Variants in CEMIP2 observed in about 807,000 individuals in gnomAD.
CEMIP2 encodes cell surface hyaluronidase CEMIP2.
In CEMIP2, 79 loss-of-function variants were observed where a neutral mutation model predicts 146.9. The observed-to-expected ratio is 0.54, with a 90% CI of 0.45 to 0.65. CEMIP2 has a LOEUF of 0.65. Ranked by LOEUF, CEMIP2 falls within the 30% of genes least tolerant of loss-of-function variation. CEMIP2 has a pLI of 0.00. For missense variants in CEMIP2, 1,596 were observed against 1,696.2 expected, an observed-to-expected ratio of 0.94 and a Z score of 1.04; for synonymous variants, 601 against 606.3, an observed-to-expected ratio of 0.99 and a Z score of 0.13.
intron 1 of CEMIP2, among the ~76,000 whole-genome samples, chr9:71,751,554 A>G (rs1205404189): frequency 1.3e-5 from 2 of 152,120 alleles, no homozygotes; most frequent in East Asian, 1.9e-4. Flanking sequence ...ACTGTTCTCA[A>G]TTTTCACTGT....
rs751408781 is a variant in CEMIP2, at chr9:71,734,902, T to C, written c.1297A>G (p.Ile433Val). Residue 433 changes from isoleucine to valine, a missense_variant, in exon 6 of 24, where the codon ATT (isoleucine) becomes GTT (valine). Coordinates refer to ENST00000377044, the MANE Select transcript of CEMIP2 (RefSeq NM_013390.3). Reference sequence around the variant, plus strand: ...GAATAGTCTGTGCTTGCGACCACAATCTGGTCTCCAGGTTTCCAACTACTA... The same window carrying C: ...GAATAGTCTGTGCTTGCGACCACAACCTGGTCTCCAGGTTTCCAACTACTA... ...DVSSWKPGDQ[I>V]VVASTDYSMY... is the part of the protein sequence containing the mutation. 1.5e-5 allele frequency: 25 copies of C among 1,613,898 alleles called. No individual in the cohort carries two copies. Among genetic ancestry groups the C allele is most frequent in the Non-Finnish European group, 2.1e-5 (25 of 1,180,014 alleles).
intron 1 of CEMIP2, among the ~76,000 whole-genome samples, chr9:71,756,795 G>C (rs1235819309): frequency 1.3e-5 from 2 of 152,122 alleles, no homozygotes; most frequent in African/African-American, 4.8e-5. Flanking sequence ...ATAAAGAGCA[G>C]CAAACTACCT....
chr9:71,706,666 C>T (rs1564001472), intron 17 of CEMIP2, among the ~76,000 whole-genome samples: 1 of 152,120 alleles, frequency 6.6e-6, no homozygotes. Context: ...TTTATAGAAA[C>T]ATTTATGATC....
intron 22 of CEMIP2, among the ~76,000 whole-genome samples, chr9:71,688,944 A>G (rs1014386518): frequency 6.6e-6 from 1 of 152,238 alleles, no homozygotes; most frequent in African/African-American, 2.4e-5. Flanking sequence ...ACCTATCTGC[A>G]TAACCAGAGG....
intron 10 of CEMIP2, among the ~76,000 whole-genome samples, chr9:71,729,015 G>C (rs1470459184): frequency 2.0e-5 from 3 of 151,430 alleles, no homozygotes; most frequent in Non-Finnish European, 2.9e-5. Flanking sequence ...GAGGGTGTAG[G>C]GGGAGGTGAT....
intron 15 of CEMIP2, among the ~76,000 whole-genome samples, chr9:71,712,664 A>G (rs1822941875): frequency 6.6e-6 from 1 of 152,168 alleles, no homozygotes; most frequent in South Asian, 2.1e-4. Flanking sequence ...AACAAAAGAC[A>G]AGTCTGCGCT....
chr9:71,739,217 G>C (rs1823845295), intron 5 of CEMIP2, among the ~76,000 whole-genome samples: 1 of 151,622 alleles, frequency 6.6e-6, no homozygotes, highest in South Asian at 2.1e-4. Context: ...ACGTTGACTA[G>C]AAGTCTGTCA....
chr9:71,747,205 G>A (rs1012168847), intron 2 of CEMIP2, among the ~76,000 whole-genome samples: 2 of 152,048 alleles, frequency 1.3e-5, no homozygotes, highest in Admixed American at 6.6e-5. Context: ...TCAACCTATG[G>A]CCAAGTATTT....
intron 1 of CEMIP2, among the ~76,000 whole-genome samples, chr9:71,762,957 T>C (rs150784174): frequency 4.5e-4 from 69 of 152,052 alleles, no homozygotes; most frequent in African/African-American, 1.6e-3. Flanking sequence ...GAGGCTGCAG[T>C]GAGCTGTGAT....
chr9:71,725,482 T>G (rs1823355594), intron 11 of CEMIP2, 99 bp downstream of exon 11: 1 of 1,298,988 alleles, frequency 7.7e-7, no homozygotes, highest in African/African-American at 1.5e-5. Flanking sequence ...TCTGTGATAT[T>G]CTACTACAGC....
At chr9:71,732,321 T>G in intron 7 of CEMIP2, 30 bp downstream of exon 7, 1 of 1,521,492 alleles carries the variant, frequency 6.6e-7, no homozygotes, top group South Asian at 1.3e-5. Flanking sequence ...AACCAGGATT[T>G]CAAAGAAATA....
At position 71,684,913 on chromosome 9, in the gene CEMIP2, C is replaced by T. The variant is rs1563988750; in HGVS notation, c.*284G>A. Reference sequence around the variant, plus strand: ...CATTATACAAAAAGTAAAAACATTGCTCATGGTCATTACAAAATACGGGGG... The same window carrying T: ...CATTATACAAAAAGTAAAAACATTGTTCATGGTCATTACAAAATACGGGGG... On this transcript the variant is annotated 3_prime_UTR_variant, in exon 24 of 24. Coordinates refer to ENST00000377044, the MANE Select transcript of CEMIP2 (RefSeq NM_013390.3). The T allele has an allele frequency of 2.9e-6, 1 of 346,746 alleles. No individual in the cohort carries two copies. The highest frequency in any genetic ancestry group is 4.8e-5 in the East Asian group (1 of 20,732). 21.5% of individuals were successfully genotyped at this position (346,746 alleles called of 1,614,324 possible).
upstream of CEMIP2, chr9:71,768,959 A>G (rs1004901905): frequency 2.0e-5 from 3 of 152,078 alleles, no homozygotes; most frequent in African/African-American, 7.2e-5. Flanking sequence ...GGAGCCTGCC[A>G]TCAGAGGAGG....
intron 1 of CEMIP2, among the ~76,000 whole-genome samples, chr9:71,754,450 A>G (rs1419225979): frequency 6.6e-6 from 1 of 152,174 alleles, no homozygotes; most frequent in East Asian, 1.9e-4. Flanking sequence ...ACAGACCAGT[A>G]TTTCACTTTA....
intron 20 of CEMIP2, among the ~76,000 whole-genome samples, chr9:71,696,563 G>A (rs1822410148): frequency 1.3e-5 from 2 of 152,154 alleles, no homozygotes; most frequent in African/African-American, 4.8e-5. Flanking sequence ...TTGAGGTCAG[G>A]AGTTAGAGAC....
At chr9:71,728,254 TATACAC>T (rs1823468193) in intron 10 of CEMIP2, among the ~76,000 whole-genome samples, 1 of 35,398 alleles carries the variant, frequency 2.8e-5, no homozygotes, top group African/African-American at 7.6e-5. Context: ...TATATATGTA[TATACAC>T]GTATATATAT....
At chr9:71,718,336 T>A (rs140551509) in intron 12 of CEMIP2, among the ~76,000 whole-genome samples, 4 of 152,198 alleles carry the variant, frequency 2.6e-5, no homozygotes, top group Non-Finnish European at 5.9e-5. Flanking sequence ...CACTGCAGAA[T>A]ATTATTGCAT....
At chr9:71,729,077 C>G (rs941216057) in intron 10 of CEMIP2, among the ~76,000 whole-genome samples, 2 of 151,730 alleles carry the variant, frequency 1.3e-5, no homozygotes, top group South Asian at 2.1e-4. Flanking sequence ...TGAGCTCAAG[C>G]GATCCAACAG....
At chr9:71,748,041 C>T (rs1824137270) in intron 2 of CEMIP2, among the ~76,000 whole-genome samples, 1 of 152,114 alleles carries the variant, frequency 6.6e-6, no homozygotes, top group Non-Finnish European at 1.5e-5. Flanking sequence ...AACTTTTCTA[C>T]CTCCCTCTTC....
Sources: allele counts gnomAD v4.1 joint callset (sites outside exome capture counted in the v4.1 genomes callset), GRCh38; gene constraint gnomAD v4.1.1; transcripts MANE v1.5; gene names NCBI Gene and HGNC (gene_info 2026-07-23, HGNC 2026-07-21).